The following EFR3B variants were observed in gnomAD, a reference collection of about 807,000 sequenced individuals.
The protein encoded by EFR3B is EFR3 homolog B, also known as protein EFR3 homolog B.
A neutral mutation model predicts 104.7 loss-of-function variants in EFR3B; 64 were observed. That is an observed-to-expected ratio of 0.61 (90% CI 0.50 to 0.75). The LOEUF (loss-of-function observed/expected upper bound fraction) is 0.75. Among genes scored for constraint, EFR3B ranks in the 30% least tolerant of loss-of-function variants. The pLI, the probability that EFR3B is intolerant of heterozygous loss-of-function variation, is 0.00. For missense variants in EFR3B, 750 were observed against 1,078.5 expected (o/e 0.70, Z 4.27); for synonymous variants, 385 against 417.9 (o/e 0.92, Z 0.96).
At chr2:25,128,589 C>T (rs1243900687) in intron 6 of EFR3B, among the ~76,000 whole-genome samples, 1 of 152,132 alleles carries the variant, frequency 6.6e-6, no homozygotes, top group African/African-American at 2.4e-5. Context: ...GTGGGTAAAT[C>T]TGTTGGTAAT....
chr2:25,128,464 G>C, intron 6 of EFR3B, 132 bp downstream of exon 6: 1 of 1,212,100 alleles, frequency 8.3e-7, no homozygotes, highest in Non-Finnish European at 1.1e-6. Flanking sequence ...GGCTTGTTCT[G>C]CAGTGAGTCC....
intron 16 of EFR3B, 96 bp from the exon 17 acceptor site, chr2:25,141,270 G>T: frequency 1.5e-6 from 2 of 1,313,324 alleles, no homozygotes; most frequent in Non-Finnish European, 2.1e-6. Context: ...CTGTGGGAGG[G>T]AGGAAGCACC....
At chr2:25,118,118 T>C (rs1669911713) in intron 4 of EFR3B, among the ~76,000 whole-genome samples, 1 of 152,184 alleles carries the variant, frequency 6.6e-6, no homozygotes, top group Non-Finnish European at 1.5e-5. Context: ...TAGCTGGGAT[T>C]ACAGGCGCGT....
At chr2:25,054,725 C>A (rs938200264) in intron 1 of EFR3B, among the ~76,000 whole-genome samples, 1 of 152,258 alleles carries the variant, frequency 6.6e-6, no homozygotes, top group African/African-American at 2.4e-5. Flanking sequence ...TAATAAAAAT[C>A]CTTAGAAGGG....
At chr2:25,144,527 G>A (rs1240558553) in intron 18 of EFR3B, among the ~76,000 whole-genome samples, 1 of 151,934 alleles carries the variant, frequency 6.6e-6, no homozygotes, top group East Asian at 1.9e-4. Context: ...CTGGGCGACA[G>A]AGCAAGACTC....
rs1475409693 is a variant in EFR3B at position 25,158,513 on chromosome 2, G to C, written c.*4173G>C. 6.6e-6 allele frequency: 1 copy of C among 152,276 alleles called. No individual in the cohort carries two copies. Among genetic ancestry groups the C allele is most frequent in the Non-Finnish European group, 1.5e-5 (1 of 68,080 alleles). The allele number at this position is 152,276 out of a possible 1,614,324, so 9.4% of individuals were successfully genotyped here. A position where few individuals can be genotyped will look rare whatever the true frequency, so the allele number is the denominator to read the frequency against. On this transcript the variant is annotated 3_prime_UTR_variant, in exon 23 of 23. Coordinates refer to ENST00000403714, the MANE Select transcript of EFR3B (RefSeq NM_014971.2). Reference sequence around the variant, plus strand: ...AGAGTGGCCCCTTACCCCAAATCTGGCCTAGGTCTGAAGACTGCAGGATAG... The same window carrying C: ...AGAGTGGCCCCTTACCCCAAATCTGCCCTAGGTCTGAAGACTGCAGGATAG...
chr2:25,057,355 T>G (rs1668050452), intron 1 of EFR3B, among the ~76,000 whole-genome samples: 1 of 152,144 alleles, frequency 6.6e-6, no homozygotes, highest in Non-Finnish European at 1.5e-5. Context: ...CTCTGCCATT[T>G]TCAGATAAGT....
chr2:25,052,466 A>G lies in EFR3B; in HGVS notation c.7+10147A>G, dbSNP rs1667897660. Among the ~76,000 whole-genome samples, 3 of 148,162 alleles carry G rather than the reference A, an allele frequency of 2.0e-5. No homozygotes were observed. In the South Asian group the frequency reaches 6.5e-4, roughly 32 times the overall value. Reference sequence around the variant, plus strand: ...GTTACTGTTAATGTGGCTTCCATTAATTGGGCACCACTATGTGCCAGGCAG... The same window carrying G: ...GTTACTGTTAATGTGGCTTCCATTAGTTGGGCACCACTATGTGCCAGGCAG... On this transcript the variant is annotated intron_variant, in intron 1 of 22. Transcript: ENST00000403714.
chr2:25,113,740 G>A (rs909869578), intron 4 of EFR3B, among the ~76,000 whole-genome samples: 2 of 152,056 alleles, frequency 1.3e-5, no homozygotes, highest in Admixed American at 1.3e-4. Flanking sequence ...TGGGCCCAGT[G>A]GAAATTCATG....
chr2:25,143,771 C>T lies in EFR3B; in HGVS notation c.1959C>T (p.Leu653=). 1.3e-6 allele frequency: 2 copies of T among 1,551,592 alleles called. No homozygotes were observed. Among genetic ancestry groups the T allele is most frequent in the South Asian group, 1.2e-5 (1 of 84,048 alleles). The change falls in exon 18 of 23, where the codon CTC becomes CTT. Residue 653 remains leucine (L), a synonymous_variant. Transcript: ENST00000403714. ...SQNLDGVVIE[L]LFRQSKISEV... ...ATCTTGATGGGGTGGTCATTGAGCT[C>T]CTCTTCCGCCAGAGCAAGATCAGTG...
chr2:25,135,379 C>T, intron 12 of EFR3B, 88 bp from the exon 13 acceptor site: 3 of 1,464,752 alleles, frequency 2.0e-6, no homozygotes, highest in South Asian at 1.3e-5. Flanking sequence ...GTACATCAGA[C>T]CTGACTTCCT....
At chr2:25,153,474 C>T (rs1021603263) in intron 21 of EFR3B, among the ~76,000 whole-genome samples, 2 of 152,172 alleles carry the variant, frequency 1.3e-5, no homozygotes, top group African/African-American at 4.8e-5. Flanking sequence ...TGACGTCCTC[C>T]CTGGTGATTC....
At position 25,131,734 on chromosome 2, in the gene EFR3B, G is replaced by A; in HGVS notation, c.986-16G>A. ...GCCAGCCTTGGATCTCGGGTGTCCC[G>A]CCCCACCGCTCTCAGGGCCCACAGT... On this transcript the variant is annotated splice_polypyrimidine_tract_variant and intron_variant, in intron 9 of 22. Transcript: ENST00000403714. This position sits in a 1 kb window ranked among gnomAD's most constrained non-coding sequence, Gnocchi z 7.6. The A allele has an allele frequency of 6.7e-7, 1 of 1,490,240 alleles. No individual in the cohort carries two copies. The highest frequency in any genetic ancestry group is 9.0e-7 in the Non-Finnish European group (1 of 1,114,320). The allele number at this position is 1,490,240 out of a possible 1,614,324, so 92.3% of individuals were successfully genotyped here. A position where few individuals can be genotyped will look rare whatever the true frequency, so the allele number is the denominator to read the frequency against.
chr2:25,106,651 C>G (rs999647391), intron 4 of EFR3B, among the ~76,000 whole-genome samples: 4 of 152,178 alleles, frequency 2.6e-5, no homozygotes, highest in Non-Finnish European at 4.4e-5. Context: ...CCATGTTGGT[C>G]AGGCTGGTCT....
chr2:25,119,216 C>T (rs1157666458), intron 4 of EFR3B, among the ~76,000 whole-genome samples: 1 of 152,176 alleles, frequency 6.6e-6, no homozygotes, highest in African/African-American at 2.4e-5. Flanking sequence ...GCTTGTTTTG[C>T]ACATGGGAAA....
At chr2:25,048,626 C>T (rs1667784526) in intron 1 of EFR3B, among the ~76,000 whole-genome samples, 1 of 151,930 alleles carries the variant, frequency 6.6e-6, no homozygotes, top group Non-Finnish European at 1.5e-5. Context: ...AGGGCACGAG[C>T]TGTTCCAGTA....
In EFR3B at chr2:25,156,160, C is replaced by T; in HGVS notation, c.*1820C>T. On this transcript the variant is annotated 3_prime_UTR_variant, in exon 23 of 23. Coordinates refer to ENST00000403714, the MANE Select transcript of EFR3B (RefSeq NM_014971.2). ...GGGAGGGACTGAACACGAGCATTTC[C>T]CATTAATATGTGCAATAAATGTCTT... 1 of 152,072 alleles carries T rather than the reference C, an allele frequency of 6.6e-6. No homozygotes were observed. The highest frequency in any genetic ancestry group is 2.1e-4 in the South Asian group (1 of 4,812). The allele number at this position is 152,072 out of a possible 1,614,324, so 9.4% of individuals were successfully genotyped here. A position where few individuals can be genotyped will look rare whatever the true frequency, so the allele number is the denominator to read the frequency against.
chr2:25,128,093 C>A lies in EFR3B; in HGVS notation c.486-90C>A. 3 of 1,445,932 alleles carry A rather than the reference C, an allele frequency of 2.1e-6. No homozygotes were observed. The African/African-American group carries it at 4.2e-5, about 20-fold the overall frequency. 89.6% of individuals were successfully genotyped at this position (1,445,932 alleles called of 1,614,324 possible). ...TTCTGATGGACAAATGTATCCCTGA[C>A]TCCTAAGCTGTGCTCTTCTCTTAGC... On this transcript the variant is annotated intron_variant, in intron 5 of 22. Transcript: ENST00000403714.
chr2:25,074,093 A>G (rs1668568435), intron 1 of EFR3B, among the ~76,000 whole-genome samples: 2 of 152,194 alleles, frequency 1.3e-5, no homozygotes, highest in Non-Finnish European at 2.9e-5. Context: ...TGGATACTCA[A>G]TATATGAGTC....
Sources: allele counts gnomAD v4.1 joint callset (sites outside exome capture counted in the v4.1 genomes callset), GRCh38; gene constraint gnomAD v4.1.1; non-coding constraint Gnocchi (gnomAD v3.1); transcripts MANE v1.5; gene names NCBI Gene and HGNC (gene_info 2026-07-23, HGNC 2026-07-21).